The following TICAM1 variants were observed in gnomAD, a reference collection of about 807,000 sequenced individuals.
The protein encoded by TICAM1 is TIR domain-containing adapter molecule 1.
For synonymous variants in TICAM1, 439 were observed against 415.4 expected, an observed-to-expected ratio of 1.06 and a Z score of -0.69; for missense variants, 895 against 938.2, an observed-to-expected ratio of 0.95 and a Z score of 0.60.
chr19:4,820,416 T>C (rs999448223), intron 1 of TICAM1, among the ~76,000 whole-genome samples: 4 of 131,162 alleles, frequency 3.0e-5, no homozygotes, highest in African/African-American at 8.7e-5. Context: ...TGAGACTCCA[T>C]CTAAAAAAAA....
chr19:4,829,687 T>C (rs1192080286), intron 1 of TICAM1, among the ~76,000 whole-genome samples: 1 of 151,968 alleles, frequency 6.6e-6, no homozygotes, highest in African/African-American at 2.4e-5. Flanking sequence ...AAAGTTTAGA[T>C]CAGTGCCCAG....
In TICAM1 at chr19:4,818,552, C is replaced by A; in HGVS notation, c.-139-36G>T. On this transcript the variant is annotated intron_variant, in intron 1 of 1. Transcript: ENST00000248244. The surrounding 1 kb of genome is among the most constrained non-coding windows in gnomAD (Gnocchi z 4.0). Reference sequence around the variant, plus strand: ...CAGGAGAAGCAAACACACTTACCCCCAAGAAAGGTCAGCACGGGAAGGCGG... The same window carrying A: ...CAGGAGAAGCAAACACACTTACCCCAAAGAAAGGTCAGCACGGGAAGGCGG... 1 of 1,345,618 alleles carries A rather than the reference C, an allele frequency of 7.4e-7. No individual in the cohort carries two copies. The highest frequency in any genetic ancestry group is 9.7e-7 in the Non-Finnish European group (1 of 1,028,156). The allele number at this position is 1,345,618 out of a possible 1,614,324, so 83.4% of individuals were successfully genotyped here.
In TICAM1 at chr19:4,816,730, G is replaced by A. The variant is rs146110283; in HGVS notation, c.1648C>T (p.Arg550Trp). The A allele has an allele frequency of 6.8e-6, 11 of 1,613,780 alleles. No individual in the cohort carries two copies. Among genetic ancestry groups the A allele is most frequent in the Admixed American group, 5.0e-5 (3 of 60,002 alleles). ...WRKEQDTRAL[R>W]EQSQHLDGER... is the part of the protein sequence containing the mutation. Reference sequence around the variant, plus strand: ...CCGTCCAGGTGTTGGCTCTGTTCCCGCAGGGCTCGGGTGTCCTGTTCCTTC... The same window carrying A: ...CCGTCCAGGTGTTGGCTCTGTTCCCACAGGGCTCGGGTGTCCTGTTCCTTC... The change falls in exon 2 of 2, where the codon CGG becomes TGG. Residue 550 changes from arginine (R) to tryptophan (W), a missense_variant. Coordinates refer to ENST00000248244, the MANE Select transcript of TICAM1 (RefSeq NM_182919.4). The surrounding 1 kb of genome is among the most constrained non-coding windows in gnomAD (Gnocchi z 4.3).
chr19:4,816,890 C>G lies in TICAM1; in HGVS notation c.1488G>C (p.Pro496=), dbSNP rs772462289. ...VIPFLPLESS[P]AQLSSDTASL... The stretch of plus-strand genomic sequence containing the variant: ...TGGCCGTGTCGGAGCTGAGCTGGGC[C>G]GGGGAGCTCTCCAGGGGCAGGAAGG... The change falls in exon 2 of 2, where the codon CCG becomes CCC. Residue 496 remains proline, a synonymous_variant. Coordinates refer to ENST00000248244, the MANE Select transcript of TICAM1 (RefSeq NM_182919.4). This position sits in a 1 kb window ranked among gnomAD's most constrained non-coding sequence, Gnocchi z 4.3. The G allele has an allele frequency of 1.2e-6, 2 of 1,613,054 alleles. No homozygotes were observed. The highest frequency in any genetic ancestry group is 1.7e-6 in the Non-Finnish European group (2 of 1,180,032).
In TICAM1 at chr19:4,816,247, C is replaced by T. The variant is rs758303498; in HGVS notation, c.2131G>A (p.Ala711Thr). 1.3e-6 allele frequency: 2 copies of T among 1,508,474 alleles called. No homozygotes were observed. Among genetic ancestry groups the T allele is most frequent in the East Asian group, 2.3e-5 (1 of 43,734 alleles). 93.4% of individuals were successfully genotyped at this position (1,508,474 alleles called of 1,614,324 possible). Reference protein sequence around the residue: ...SQAPEDKTQEAE With the variant: ...SQAPEDKTQETE ...CAGGCAAGGACACGCGGTCATTCTGCCTCCTGCGTCTTGTCCTCGGGCGCC... is the reference window on the plus strand; with the variant it reads ...CAGGCAAGGACACGCGGTCATTCTGTCTCCTGCGTCTTGTCCTCGGGCGCC... The change falls in exon 2 of 2, where the codon GCA (alanine) becomes ACA (threonine). Residue 711 changes from alanine (A) to threonine (T), a missense_variant. Coordinates refer to ENST00000248244, the MANE Select transcript of TICAM1 (RefSeq NM_182919.4). This position sits in a 1 kb window ranked among gnomAD's most constrained non-coding sequence, Gnocchi z 4.3.
At chr19:4,827,230 A>G (rs1295959381) in intron 1 of TICAM1, among the ~76,000 whole-genome samples, 1 of 151,536 alleles carries the variant, frequency 6.6e-6, no homozygotes, top group African/African-American at 2.4e-5. Context: ...GCAAGCCTGT[A>G]ATCCCAGCTA....
At chr19:4,823,457 T>G (rs1278539194) in intron 1 of TICAM1, among the ~76,000 whole-genome samples, 1 of 108,434 alleles carries the variant, frequency 9.2e-6, no homozygotes, top group Admixed American at 1.0e-4. Flanking sequence ...AGAGCAAGAC[T>G]CTGTCTTAAA....
Position 4,818,468 on chromosome 19 carries a change from C to T in TICAM1, c.-91G>A. On this transcript the variant is annotated 5_prime_UTR_variant, in exon 2 of 2. Coordinates refer to ENST00000248244, the MANE Select transcript of TICAM1 (RefSeq NM_182919.4). This position sits in a 1 kb window ranked among gnomAD's most constrained non-coding sequence, Gnocchi z 4.0. ...CCCCCGCCTTCTGCACGCCCAGTGT[C>T]CCCTACCCATTCACTGTTCCAGGTT... 6.8e-7 allele frequency: 1 copy of T among 1,460,600 alleles called. No homozygotes were observed. The highest frequency in any genetic ancestry group is 9.0e-7 in the Non-Finnish European group (1 of 1,105,764). The allele number at this position is 1,460,600 out of a possible 1,614,324, so 90.5% of individuals were successfully genotyped here.
Position 4,816,006 on chromosome 19 carries a change from TAGAG to T in TICAM1, c.*229_*232del. 2.2e-6 allele frequency: 1 copy of T among 456,010 alleles called. No homozygotes were observed. Among genetic ancestry groups the T allele is most frequent in the South Asian group, 1.2e-4 (1 of 8,522 alleles). 28.2% of individuals were successfully genotyped at this position (456,010 alleles called of 1,614,324 possible). ...ACCACCAAGACCCTTCACCCAGAAA[TAGAG>T]AGATTGGAATTGTAAACACCGTATC... On this transcript the variant is annotated 3_prime_UTR_variant, in exon 2 of 2. Coordinates refer to ENST00000248244, the MANE Select transcript of TICAM1 (RefSeq NM_182919.4). The surrounding 1 kb of genome is among the most constrained non-coding windows in gnomAD (Gnocchi z 4.3).
intron 1 of TICAM1, among the ~76,000 whole-genome samples, chr19:4,826,315 A>ATT (rs1432200994): frequency 7.3e-5 from 11 of 150,110 alleles, no homozygotes; most frequent in African/African-American, 1.7e-4. Flanking sequence ...ATATATATAT[A>ATT]TATTTATTTA....
chr19:4,817,415 C>G lies in TICAM1; in HGVS notation c.963G>C (p.Pro321=), dbSNP rs748972207. The change falls in exon 2 of 2, where the codon CCG becomes CCC. Residue 321 remains proline, a synonymous_variant. Transcript: ENST00000248244. The surrounding 1 kb of genome is among the most constrained non-coding windows in gnomAD (Gnocchi z 4.7). ...PQSLPLPILE[P]VKNPCSVKDQ... is the part of the protein sequence containing the mutation. Reference sequence around the variant, plus strand: ...CTTTGACAGAGCAGGGGTTTTTGACCGGCTCCAGAATAGGCAAGGGGAGAG... The same window carrying G: ...CTTTGACAGAGCAGGGGTTTTTGACGGGCTCCAGAATAGGCAAGGGGAGAG... The G allele has an allele frequency of 1.9e-6, 3 of 1,613,880 alleles. No individual in the cohort carries two copies. The South Asian group carries it at 3.3e-5, about 18-fold the overall frequency.
chr19:4,830,389 T>C (rs1209850603), intron 1 of TICAM1, among the ~76,000 whole-genome samples: 2 of 152,136 alleles, frequency 1.3e-5, no homozygotes, highest in Non-Finnish European at 2.9e-5. Flanking sequence ...ACTTTCTTTT[T>C]GAATTTTTTT....
rs1257125762 is a variant in TICAM1, at chr19:4,816,689, C to T, written c.1689G>A (p.Ala563=). 1.9e-6 allele frequency: 3 copies of T among 1,613,982 alleles called. No individual in the cohort carries two copies. The highest frequency in any genetic ancestry group is 1.6e-4 in the Middle Eastern group (1 of 6,084). Residue 563 remains alanine (A), a synonymous_variant, in exon 2 of 2, where the codon GCG becomes GCA. Transcript: ENST00000248244. This position sits in a 1 kb window ranked among gnomAD's most constrained non-coding sequence, Gnocchi z 4.3. ...SQHLDGERMQ[A]AALNAAYSAY... Reference sequence around the variant, plus strand: ...CTGAGTAGGCTGCGTTCAGTGCCGCCGCCTGCATCCGCTCACCGTCCAGGT... The same window carrying T: ...CTGAGTAGGCTGCGTTCAGTGCCGCTGCCTGCATCCGCTCACCGTCCAGGT...
intron 1 of TICAM1, among the ~76,000 whole-genome samples, chr19:4,821,491 T>C (rs2093597368): frequency 6.6e-6 from 1 of 152,120 alleles, no homozygotes. Context: ...CCTCAGGACC[T>C]TTGCACTGGC....
chr19:4,816,479 C>T lies in TICAM1; in HGVS notation c.1899G>A (p.Leu633=). The change falls in exon 2 of 2, where the codon CTG becomes CTA. Residue 633 remains leucine (L), a synonymous_variant. Coordinates refer to ENST00000248244, the MANE Select transcript of TICAM1 (RefSeq NM_182919.4). The surrounding 1 kb of genome is among the most constrained non-coding windows in gnomAD (Gnocchi z 4.3). ...GGGGGGTGCCAGCCTGCCATGCGTG[C>T]AGGGGTGGCGGCTGCGGGCACCCCG... ...TWPGCPQPPP[L]HAWQAGTPPP... The T allele has an allele frequency of 1.3e-6, 2 of 1,568,982 alleles. No individual in the cohort carries two copies. Among genetic ancestry groups the T allele is most frequent in the Non-Finnish European group, 1.7e-6 (2 of 1,159,652 alleles).
intron 1 of TICAM1, among the ~76,000 whole-genome samples, chr19:4,824,969 AG>A (rs1167571619): frequency 1.3e-5 from 2 of 151,692 alleles, no homozygotes; most frequent in Non-Finnish European, 2.9e-5. Context: ...AGCCTGCTTA[AG>A]GGTGGTGGTG....
chr19:4,817,393 T>C lies in TICAM1; in HGVS notation c.985A>G (p.Lys329Glu). 1 of 1,613,896 alleles carries C rather than the reference T, an allele frequency of 6.2e-7. No homozygotes were observed. The highest frequency in any genetic ancestry group is 8.5e-7 in the Non-Finnish European group (1 of 1,180,004). Residue 329 changes from lysine to glutamate, a missense_variant, in exon 2 of 2, where the codon AAA (lysine) becomes GAA (glutamate). Physicochemically the swap from Lys to Glu is moderately conservative, Grantham distance 56. Coordinates refer to ENST00000248244, the MANE Select transcript of TICAM1 (RefSeq NM_182919.4). The surrounding 1 kb of genome is among the most constrained non-coding windows in gnomAD (Gnocchi z 4.7). ...LEPVKNPCSVKDQTPLQLSVE... is the reference protein window; with the variant it reads ...LEPVKNPCSVEDQTPLQLSVE... ...GAAAGTTGGAGTGGCGTCTGGTCTTTGACAGAGCAGGGGTTTTTGACCGGC... is the reference window on the plus strand; with the variant it reads ...GAAAGTTGGAGTGGCGTCTGGTCTTCGACAGAGCAGGGGTTTTTGACCGGC...
At position 4,817,371 on chromosome 19, in the gene TICAM1, A is replaced by T; in HGVS notation, c.1007T>A (p.Leu336His). Reference sequence around the variant, plus strand: ...TGGAGAGGTGGTATCTTCTACAGAAAGTTGGAGTGGCGTCTGGTCTTTGAC... The same window carrying T: ...TGGAGAGGTGGTATCTTCTACAGAATGTTGGAGTGGCGTCTGGTCTTTGAC... Reference protein sequence around the residue: ...CSVKDQTPLQLSVEDTTSPNT... With the variant: ...CSVKDQTPLQHSVEDTTSPNT... Residue 336 changes from leucine (L) to histidine (H), a missense_variant, in exon 2 of 2, where the codon CTT (leucine) becomes CAT (histidine). Transcript: ENST00000248244. The surrounding 1 kb of genome is among the most constrained non-coding windows in gnomAD (Gnocchi z 4.7). 6.2e-7 allele frequency: 1 copy of T among 1,613,770 alleles called. No individual in the cohort carries two copies. The highest frequency in any genetic ancestry group is 8.5e-7 in the Non-Finnish European group (1 of 1,179,992).
At chr19:4,821,239 G>A (rs1233636921) in intron 1 of TICAM1, among the ~76,000 whole-genome samples, 2 of 151,970 alleles carry the variant, frequency 1.3e-5, no homozygotes, top group African/African-American at 4.8e-5. Context: ...CCATGTATTG[G>A]GTACTAGTGA....
Sources: allele counts gnomAD v4.1 joint callset (sites outside exome capture counted in the v4.1 genomes callset), GRCh38; gene constraint gnomAD v4.1.1; non-coding constraint Gnocchi (gnomAD v3.1); transcripts MANE v1.5; gene names NCBI Gene and HGNC (gene_info 2026-07-23, HGNC 2026-07-21).